The following GNAQ variants were observed in gnomAD, a reference collection of about 807,000 sequenced individuals.
GNAQ encodes guanine nucleotide-binding protein G(q) subunit alpha.
GNAQ carries 8 observed loss-of-function variants against 43.9 expected under a neutral mutation model. The observed-to-expected ratio is 0.18, with a 90% confidence interval of 0.11 to 0.33. The LOEUF (loss-of-function observed/expected upper bound fraction) is 0.33, where lower values mean the gene tolerates loss of function less well. Ranked by LOEUF, GNAQ falls within the 10% of genes least tolerant of loss-of-function variation. The pLI is 1.00. For synonymous variants in GNAQ, 155 were observed against 170.7 expected (o/e 0.91, Z 0.71); for missense variants, 158 against 450.8 (o/e 0.35, Z 5.88).
intron 2 of GNAQ, among the ~76,000 whole-genome samples, chr9:77,863,488 T>A (rs1827894751): frequency 6.6e-6 from 1 of 152,170 alleles, no homozygotes; most frequent in South Asian, 2.1e-4. Flanking sequence ...TCCAGGGAGT[T>A]CCAAACTTTC....
Position 78,016,395 on chromosome 9 carries a change from T to C in GNAQ, c.136+14705A>G, listed in dbSNP as rs148964233. On this transcript the variant is annotated intron_variant, in intron 1 of 6. Coordinates refer to ENST00000286548, the MANE Select transcript of GNAQ (RefSeq NM_002072.5). ...GAAAACCATCAAAGTTTTAGAAATA[T>C]ATAAATTAGGCCAGGCACAGTGGCC... is the stretch of plus-strand genomic sequence containing the variant. Among the ~76,000 whole-genome samples the C allele has an allele frequency of 2.2e-4, 33 of 152,250 alleles. No homozygotes were observed. The East Asian group carries it at 5.8e-3, about 27-fold the overall frequency.
chr9:77,826,151 A>T (rs1356515466), intron 2 of GNAQ, among the ~76,000 whole-genome samples: 1 of 152,198 alleles, frequency 6.6e-6, no homozygotes, highest in Non-Finnish European at 1.5e-5. Context: ...GAGAGAGTAC[A>T]TATATTTTTA....
At chr9:77,949,990 C>A (rs773931295) in intron 1 of GNAQ, among the ~76,000 whole-genome samples, 13 of 152,100 alleles carry the variant, frequency 8.5e-5, no homozygotes, top group Non-Finnish European at 1.5e-4. Context: ...CTCACATAAT[C>A]CCCCCTCCTC....
At chr9:77,912,534 G>A (rs903587709) in intron 2 of GNAQ, among the ~76,000 whole-genome samples, 5 of 151,952 alleles carry the variant, frequency 3.3e-5, no homozygotes, top group Non-Finnish European at 7.4e-5. Flanking sequence ...ATTATTAGAA[G>A]GGGAAAAAAT....
intron 2 of GNAQ, among the ~76,000 whole-genome samples, chr9:77,830,501 T>C (rs1485534076): frequency 1.3e-5 from 2 of 152,206 alleles, no homozygotes; most frequent in African/African-American, 2.4e-5. Context: ...AGTATCTTTG[T>C]TAAAACACAA....
chr9:77,865,876 C>G (rs1827939936), intron 2 of GNAQ, among the ~76,000 whole-genome samples: 1 of 152,202 alleles, frequency 6.6e-6, no homozygotes, highest in Non-Finnish European at 1.5e-5. Context: ...GCAATGCTCA[C>G]TAAAGCTTTC....
intron 4 of GNAQ, among the ~76,000 whole-genome samples, chr9:77,795,307 T>C (rs1587919786): frequency 6.6e-6 from 1 of 152,182 alleles, no homozygotes; most frequent in Non-Finnish European, 1.5e-5. Flanking sequence ...CTGTGCTGAA[T>C]TACTGCTCAG....
chr9:78,015,561 T>C (rs1564179048), intron 1 of GNAQ, among the ~76,000 whole-genome samples: 3 of 152,146 alleles, frequency 2.0e-5, no homozygotes, highest in Non-Finnish European at 2.9e-5. Flanking sequence ...TACACATATA[T>C]TTATGGTTTT....
chr9:77,824,477 T>C (rs1237714737), intron 2 of GNAQ, among the ~76,000 whole-genome samples: 1 of 152,206 alleles, frequency 6.6e-6, no homozygotes, highest in Non-Finnish European at 1.5e-5. Context: ...ATGAAACTCA[T>C]AAATAGATTA....
chr9:77,968,267 G>A (rs957465383), intron 1 of GNAQ, among the ~76,000 whole-genome samples: 9 of 152,070 alleles, frequency 5.9e-5, no homozygotes, highest in African/African-American at 2.2e-4. Context: ...AAATACCATG[G>A]ATGTTGTCTG....
At chr9:77,810,861 G>A (rs1452152054) in intron 3 of GNAQ, among the ~76,000 whole-genome samples, 2 of 152,234 alleles carry the variant, frequency 1.3e-5, no homozygotes, top group Admixed American at 6.5e-5. Context: ...TGTTAAGATA[G>A]AAGACATAGT....
In GNAQ at chr9:77,717,160, A is replaced by AACAT. The variant is rs1224696781; in HGVS notation, c.*4159_*4162dup. 1 of 232,228 alleles carries AACAT rather than the reference A, an allele frequency of 4.3e-6. No homozygotes were observed. The highest frequency in any genetic ancestry group is 6.1e-5 in the East Asian group (1 of 16,372). 14.4% of individuals were successfully genotyped at this position (232,228 alleles called of 1,614,324 possible). ...TGCTGGAAATATGTAGAGATAGATA[A>AACAT]ACATACAATATTACTAGTTTTATTT... On this transcript the variant is annotated 3_prime_UTR_variant, in exon 7 of 7. Transcript: ENST00000286548.
At chr9:77,937,556 T>TCC (rs1829249363) in intron 1 of GNAQ, among the ~76,000 whole-genome samples, 1 of 152,214 alleles carries the variant, frequency 6.6e-6, no homozygotes, top group African/African-American at 2.4e-5. Flanking sequence ...ATGAGACTTT[T>TCC]AAGGAGTTGT....
At chr9:77,908,657 A>G (rs1420835026) in intron 2 of GNAQ, among the ~76,000 whole-genome samples, 2 of 152,186 alleles carry the variant, frequency 1.3e-5, no homozygotes, top group Non-Finnish European at 2.9e-5. Flanking sequence ...TGGAGAGTTT[A>G]AATAATTTGC....
intron 1 of GNAQ, among the ~76,000 whole-genome samples, chr9:77,965,562 C>T (rs1823156008): frequency 6.6e-6 from 1 of 152,012 alleles, no homozygotes; most frequent in African/African-American, 2.4e-5. Context: ...CACACTTTAT[C>T]GAAAAAGTTA....
At chr9:77,745,111 T>C (rs1186258386) in intron 5 of GNAQ, among the ~76,000 whole-genome samples, 1 of 151,742 alleles carries the variant, frequency 6.6e-6, no homozygotes, top group African/African-American at 2.4e-5. Context: ...CACAGAGGAG[T>C]GGAGGACTGA....
chr9:77,908,498 T>C (rs2118196262), intron 2 of GNAQ, among the ~76,000 whole-genome samples: 1 of 152,360 alleles, frequency 6.6e-6, no homozygotes, highest in Non-Finnish European at 1.5e-5. Flanking sequence ...TAGCACTTTC[T>C]GGGAAGAATT....
At chr9:77,900,076 A>T (rs1052371229) in intron 2 of GNAQ, among the ~76,000 whole-genome samples, 4 of 152,180 alleles carry the variant, frequency 2.6e-5, no homozygotes, top group Non-Finnish European at 5.9e-5. Context: ...TTCTTGACTC[A>T]ATCAGGTCTC....
chr9:77,771,455 C>T lies in GNAQ; in HGVS notation c.735+23008G>A, dbSNP rs150197150. Among the ~76,000 whole-genome samples the T allele has an allele frequency of 4.7e-3, 713 of 152,280 alleles. 6 individuals are homozygous for T. Among genetic ancestry groups the T allele is most frequent in the African/African-American group, 0.016 (660 of 41,546 alleles). Reference sequence around the variant, plus strand: ...CTAAAAGAGAATTAAAATTAAGAGGCATCAGGTGAAACTAAATTTAACAGA... The same window carrying T: ...CTAAAAGAGAATTAAAATTAAGAGGTATCAGGTGAAACTAAATTTAACAGA... On this transcript the variant is annotated intron_variant, in intron 5 of 6. Coordinates refer to ENST00000286548, the MANE Select transcript of GNAQ (RefSeq NM_002072.5).
Sources: gnomAD v4.1 joint callset for allele counts (sites outside exome capture counted in the v4.1 genomes callset) on GRCh38, gnomAD v4.1.1 for gene constraint, MANE v1.5 for transcripts, NCBI Gene and HGNC (gene_info 2026-07-23, HGNC 2026-07-21) for gene names.